Variants in COL6A1 observed in about 807,000 individuals in gnomAD.
The protein encoded by COL6A1 is collagen type VI alpha 1 chain, also known as collagen alpha-1(VI) chain.
A neutral mutation model predicts 145.6 loss-of-function variants in COL6A1; 80 were observed. The observed-to-expected ratio is 0.55, with a 90% CI of 0.46 to 0.66. The LOEUF is 0.66. Ranked by LOEUF, COL6A1 falls within the 30% of genes least tolerant of loss-of-function variation. The pLI is 0.00. For synonymous variants in COL6A1, 638 were observed against 622.8 expected (o/e 1.02, Z -0.36); for missense variants, 1,364 against 1,473.8 (o/e 0.93, Z 1.22).
intron 28 of COL6A1, 138 bp from the exon 29 acceptor site, chr21:46,000,609 GGGAGGCGGGGCA>G: frequency 7.4e-7 from 1 of 1,344,676 alleles, no homozygotes. Flanking sequence ...CGGGGAGGCG[GGGAGGCGGGGCA>G]GGAGGCCGGG....
At chr21:46,000,993 T>TC (rs2077841235) in intron 29 of COL6A1, 1 of 708,116 alleles carries the variant, frequency 1.4e-6, no homozygotes, top group South Asian at 1.7e-5. Context: ...GGAGCAGGCT[T>TC]GGGGGGGTCC....
In COL6A1 at chr21:45,984,722, A is replaced by G. The variant is rs28373239; in HGVS notation, c.428+253A>G. Reference sequence around the variant, plus strand: ...GAGAGATAGAGACAGAGACAGAGAGAGACAGAGACAAAGAGTGACAGAGGG... The same window carrying G: ...GAGAGATAGAGACAGAGACAGAGAGGGACAGAGACAAAGAGTGACAGAGGG... On this transcript the variant is annotated intron_variant, in intron 3 of 34. Transcript: ENST00000361866. Among the ~76,000 whole-genome samples, 1,061 of 152,198 alleles carry G rather than the reference A, an allele frequency of 7.0e-3. 15 individuals are homozygous for G. Among genetic ancestry groups the G allele is most frequent in the African/African-American group, 0.024 (1,000 of 41,474 alleles).
At position 45,991,998 on chromosome 21, in the gene COL6A1, G is replaced by A. The variant is rs115107397; in HGVS notation, c.1120-12G>A. On this transcript the variant is annotated splice_polypyrimidine_tract_variant and intron_variant, in intron 15 of 34. Transcript: ENST00000361866. ...CCCTGCCAGCGTGTGTGACTCCCCC[G>A]GTCTTCCCCAGGGCGAGCCTGGAGC... 3.1e-3 allele frequency: 4,873 copies of A among 1,574,524 alleles called. 148 individuals carry two copies. In the African/African-American group the frequency reaches 0.057, roughly 19 times the overall value.
rs11702055 is a variant in COL6A1, at chr21:45,990,416, C to T, written c.996C>T (p.Gly332=). 1.4e-4 allele frequency: 152 copies of T among 1,068,780 alleles called. No individual in the cohort carries two copies. Among genetic ancestry groups the T allele is most frequent in the Admixed American group, 8.6e-4 (26 of 30,058 alleles). 66.2% of individuals were successfully genotyped at this position (1,068,780 alleles called of 1,614,324 possible). The change falls in exon 13 of 35, where the codon GGC becomes GGT. Residue 332 remains glycine (G), a synonymous_variant. Coordinates refer to ENST00000361866, the MANE Select transcript of COL6A1 (RefSeq NM_001848.3). ...KGKRGIDGVD[G]VKGEMGYPGL... is the part of the protein sequence containing the mutation. ...AGCGTGGCATCGACGGGGTGGACGG[C>T]GTGAAGGTGACTGGGGGGAGATAGG...
rs936432511 is a variant in COL6A1 at position 46,004,086 on chromosome 21, G to C, written c.*73G>C. On this transcript the variant is annotated 3_prime_UTR_variant, in exon 35 of 35. Transcript: ENST00000361866. ...CTCATCACTAAACAGAGTAAAATGT[G>C]ATGCGAATTTTCCCGACCAACCTGA... The C allele has an allele frequency of 2.2e-5, 34 of 1,569,758 alleles. No homozygotes were observed. In the African/African-American group the frequency reaches 4.2e-4, roughly 19 times the overall value.
chr21:45,983,503 C>T (rs536057346), intron 2 of COL6A1, among the ~76,000 whole-genome samples: 39 of 152,268 alleles, frequency 2.6e-4, no homozygotes, highest in Admixed American at 7.8e-4. Flanking sequence ...GCTGACTGGC[C>T]GCTGGGCCGG....
At position 45,986,887 on chromosome 21, in the gene COL6A1, G is replaced by A. The variant is rs138916267; in HGVS notation, c.589-57G>A. The A allele has an allele frequency of 7.9e-3, 12,186 of 1,534,776 alleles. 296 individuals carry two copies. The African/African-American group carries it at 0.081, about 10-fold the overall frequency. ...CCTCCCCTCTGGCCCTGTGGGAAGC[G>A]GCCCCGGCCGTCAGGGGTCCCAGCC... On this transcript the variant is annotated intron_variant, in intron 4 of 34. Coordinates refer to ENST00000361866, the MANE Select transcript of COL6A1 (RefSeq NM_001848.3).
At position 45,981,821 on chromosome 21, in the gene COL6A1, C is replaced by T. The variant is rs752998640; in HGVS notation, c.-30C>T. 3.3e-6 allele frequency: 5 copies of T among 1,538,400 alleles called. No homozygotes were observed. Among genetic ancestry groups the T allele is most frequent in the Non-Finnish European group, 4.4e-6 (5 of 1,138,032 alleles). On this transcript the variant is annotated 5_prime_UTR_variant, in exon 1 of 35. Coordinates refer to ENST00000361866, the MANE Select transcript of COL6A1 (RefSeq NM_001848.3). ...CGGCGGCGGCCCACTCTGCCCTGGC[C>T]GCGCTGTGTGGTGACCGCAGGCCCC...
At chr21:45,989,993 A>G (rs1270901323) in intron 11 of COL6A1, among the ~76,000 whole-genome samples, 2 of 151,782 alleles carry the variant, frequency 1.3e-5, no homozygotes, top group African/African-American at 4.8e-5. Context: ...ACCCCACCCC[A>G]GAGCAGGGGT....
At chr21:45,982,013 C>T (rs2077709941) in intron 1 of COL6A1, 66 bp downstream of exon 1, 6 of 1,306,816 alleles carry the variant, frequency 4.6e-6, no homozygotes, top group Non-Finnish European at 6.5e-6. Flanking sequence ...GGGCCAGATG[C>T]GCGGGGTCCC....
At chr21:45,995,717 G>A (rs570091005) in intron 20 of COL6A1, among the ~76,000 whole-genome samples, 7 of 152,326 alleles carry the variant, frequency 4.6e-5, no homozygotes, top group South Asian at 2.1e-4. Flanking sequence ...ATGCCTGGGG[G>A]TCTGGGAATA....
intron 17 of COL6A1, 26 bp from the exon 18 acceptor site, chr21:45,992,337 C>T: frequency 1.2e-6 from 2 of 1,613,836 alleles, no homozygotes; most frequent in Non-Finnish European, 1.7e-6. Flanking sequence ...CAGACTAACG[C>T]CGGCGTCTGT....
Position 45,990,258 on chromosome 21 carries a change from G to A in COL6A1, c.931G>A (p.Gly311Ser). ...TCACACCCGCTTCCTGTCTCCGCAGGGCTCCAGGGGACCCAAGGGCTACAA... is the reference window on the plus strand; with the variant it reads ...TCACACCCGCTTCCTGTCTCCGCAGAGCTCCAGGGGACCCAAGGGCTACAA... The part of the protein sequence containing the change: ...KGEKGSRGEK[G>S]SRGPKGYKGE... The change falls in exon 12 of 35, where the codon GGC becomes AGC. Residue 311 changes from glycine to serine, a missense_variant and splice_region_variant. Gly to Ser is a moderately conservative substitution (Grantham distance 56). Around this residue, in one of 3 missense-constraint regions of COL6A1, gnomAD observed 414 missense variants for 437.6 expected, o/e 0.95. Transcript: ENST00000361866. The A allele has an allele frequency of 6.2e-7, 1 of 1,612,868 alleles. No individual in the cohort carries two copies. Among genetic ancestry groups the A allele is most frequent in the Non-Finnish European group, 8.5e-7 (1 of 1,180,002 alleles).
chr21:45,986,637 G>C lies in COL6A1; in HGVS notation c.540G>C (p.Lys180Asn). ...TGGAGGATGCTGTGAACGAGGCCAA[G>C]CACCTGGGCGTCAAAGTCTTCTCGG... is the stretch of plus-strand genomic sequence containing the variant. ...GGLEDAVNEA[K>N]HLGVKVFSVA... The change falls in exon 4 of 35, where the codon AAG becomes AAC. Residue 180 changes from lysine (K) to asparagine (N), a missense_variant. Lys to Asn is a moderately conservative substitution (Grantham distance 94). This residue lies in a region of COL6A1 where 414 missense variants were observed against 437.6 expected (regional missense o/e 0.95). Coordinates refer to ENST00000361866, the MANE Select transcript of COL6A1 (RefSeq NM_001848.3). 6.4e-7 allele frequency: 1 copy of C among 1,552,622 alleles called. No homozygotes were observed. The highest frequency in any genetic ancestry group is 1.9e-5 in the Admixed American group (1 of 51,530).
chr21:45,989,249 C>T lies in COL6A1; in HGVS notation c.858+112C>T, dbSNP rs943205181. On this transcript the variant is annotated intron_variant, in intron 9 of 34. Transcript: ENST00000361866. ...GTTCTGAGTGCCAAAGTCACACTGCCTGTTCCTTGTGGGTGGGAGCAGACC... is the reference window on the plus strand; with the variant it reads ...GTTCTGAGTGCCAAAGTCACACTGCTTGTTCCTTGTGGGTGGGAGCAGACC... 9.3e-5 allele frequency: 111 copies of T among 1,198,408 alleles called. No individual in the cohort carries two copies. The African/African-American group carries it at 1.6e-3, about 17-fold the overall frequency. The allele number at this position is 1,198,408 out of a possible 1,614,324, so 74.2% of individuals were successfully genotyped here.
chr21:45,982,014 G>T (rs910452846), intron 1 of COL6A1, 67 bp downstream of exon 1: 1 of 1,308,056 alleles, frequency 7.6e-7, no homozygotes, highest in South Asian at 1.3e-5. Context: ...GGCCAGATGC[G>T]CGGGGTCCCC....
At position 45,992,212 on chromosome 21, in the gene COL6A1, G is replaced by A. The variant is rs575394639; in HGVS notation, c.1231G>A (p.Asp411Asn). 2.9e-5 allele frequency: 46 copies of A among 1,613,580 alleles called. No homozygotes were observed. The Admixed American group carries it at 3.8e-4, about 13-fold the overall frequency. The part of the protein sequence containing the change: ...GPPGEKGEAG[D>N]EGNPGPDGAP... ...CCCCGGAGAGAAAGGAGAGGCGGGC[G>A]ACGAGGTGAGTGAGGGCTCCTGACA... The change falls in exon 17 of 35, where the codon GAC becomes AAC. Residue 411 changes from aspartate (D) to asparagine (N), a missense_variant. By Grantham distance (23) the Asp-to-Asn change is conservative. This residue lies in a region of COL6A1 where 938 missense variants were observed against 1,003.8 expected (regional missense o/e 0.93). Coordinates refer to ENST00000361866, the MANE Select transcript of COL6A1 (RefSeq NM_001848.3).
rs570181171 is a variant in COL6A1 at position 45,982,820 on chromosome 21, G to T, written c.227+57G>T. 864 of 1,600,786 alleles carry T rather than the reference G, an allele frequency of 5.4e-4. 7 individuals are homozygous for T. The African/African-American group carries it at 0.01, about 19-fold the overall frequency. ...TGCTTCTGGGCCTCTTGGAGGGAGGGGTGGGGGCCCAGGGGAACACGGGTG... is the reference window on the plus strand; with the variant it reads ...TGCTTCTGGGCCTCTTGGAGGGAGGTGTGGGGGCCCAGGGGAACACGGGTG... On this transcript the variant is annotated intron_variant, in intron 2 of 34. Transcript: ENST00000361866.
Position 46,001,347 on chromosome 21 carries a change from C to G in COL6A1, c.1917C>G (p.Val639=). The stretch of plus-strand genomic sequence containing the variant: ...TCGAGATTGCCAAGGACTTCGTCGT[C>G]AAGGTCATCGACCGGCTGAGCCGGG... The part of the protein sequence containing the change: ...QNFEIAKDFV[V]KVIDRLSRDE... The change falls in exon 30 of 35, where the codon GTC becomes GTG. Residue 639 remains valine (V), a synonymous_variant. Coordinates refer to ENST00000361866, the MANE Select transcript of COL6A1 (RefSeq NM_001848.3). 2 of 1,612,772 alleles carry G rather than the reference C, an allele frequency of 1.2e-6. No homozygotes were observed. The highest frequency in any genetic ancestry group is 1.1e-5 in the South Asian group (1 of 91,086).
Sources: allele counts gnomAD v4.1 joint callset (sites outside exome capture counted in the v4.1 genomes callset), GRCh38; gene constraint gnomAD v4.1.1; regional missense constraint gnomAD v4.1.1; transcripts MANE v1.5; gene names NCBI Gene and HGNC (gene_info 2026-07-23, HGNC 2026-07-21).